The following GABRB2 variants were observed in gnomAD, a reference collection of about 807,000 sequenced individuals.
GABRB2 encodes the protein gamma-aminobutyric acid type A receptor subunit beta2.
In GABRB2, 16 loss-of-function variants were observed where a neutral mutation model predicts 54.7. That is an observed-to-expected ratio of 0.29 (90% CI 0.20 to 0.44). The LOEUF (loss-of-function observed/expected upper bound fraction) is 0.44. GABRB2 is among the 20% of genes least tolerant of loss of function. The pLI, the probability that GABRB2 is intolerant of heterozygous loss-of-function variation, is 1.00. For synonymous variants in GABRB2, 244 were observed against 233.8 expected (o/e 1.04, Z -0.40); for missense variants, 355 against 644.0 (o/e 0.55, Z 4.86).
intron 3 of GABRB2, among the ~76,000 whole-genome samples, chr5:161,538,217 T>C (rs1760702890): frequency 6.6e-6 from 1 of 152,184 alleles, no homozygotes; most frequent in South Asian, 2.1e-4. Flanking sequence ...ACTCAATACT[T>C]GTGGCATTCG....
chr5:161,445,899 T>C (rs1039132570), intron 4 of GABRB2, among the ~76,000 whole-genome samples: 2 of 152,156 alleles, frequency 1.3e-5, no homozygotes, highest in Non-Finnish European at 2.9e-5. Context: ...TCCTAAGAGA[T>C]GTACCATAGG....
intron 3 of GABRB2, among the ~76,000 whole-genome samples, chr5:161,482,860 A>G (rs1270750080): frequency 1.3e-5 from 2 of 152,072 alleles, no homozygotes; most frequent in Non-Finnish European, 2.9e-5. Context: ...TTGATTTCAG[A>G]GTCATTAGAC....
rs550291130 is a variant in GABRB2, at chr5:161,449,444, A to T, written c.458+10180T>A. Among the ~76,000 whole-genome samples the T allele has an allele frequency of 3.9e-4, 59 of 152,302 alleles. No individual in the cohort carries two copies. The South Asian group carries it at 5.6e-3, about 14-fold the overall frequency. ...AAACTCTGCTTTAAGTGAACTCATT[A>T]TACTAGTCTAACTCTGTATGTTTCC... On this transcript the variant is annotated intron_variant, in intron 4 of 9. Coordinates refer to ENST00000393959, the MANE Select transcript of GABRB2 (RefSeq NM_001371727.1).
chr5:161,491,275 G>A (rs1759086161), intron 3 of GABRB2, among the ~76,000 whole-genome samples: 1 of 151,588 alleles, frequency 6.6e-6, no homozygotes, highest in Non-Finnish European at 1.5e-5. Context: ...AACTGAATGA[G>A]GAGTTGGAAT....
intron 9 of GABRB2, among the ~76,000 whole-genome samples, chr5:161,296,084 T>A (rs1486709846): frequency 6.6e-6 from 1 of 152,190 alleles, no homozygotes; most frequent in African/African-American, 2.4e-5. Context: ...CCAGAGGTTA[T>A]AGGTGAAGGC....
chr5:161,359,948 G>A (rs1247101676), intron 5 of GABRB2, among the ~76,000 whole-genome samples: 1 of 152,092 alleles, frequency 6.6e-6, no homozygotes, highest in Admixed American at 6.6e-5. Flanking sequence ...GGGCATGGTG[G>A]CAGGTGCCTG....
chr5:161,494,038 T>A (rs749368584), intron 3 of GABRB2, among the ~76,000 whole-genome samples: 2 of 151,486 alleles, frequency 1.3e-5, no homozygotes, highest in Non-Finnish European at 3.0e-5. Context: ...TTTTTGTCAA[T>A]TAAAAACCAA....
chr5:161,333,296 A>G (rs1322651926), intron 7 of GABRB2, among the ~76,000 whole-genome samples: 3 of 152,206 alleles, frequency 2.0e-5, no homozygotes, highest in Non-Finnish European at 4.4e-5. Flanking sequence ...AAAACTAGAT[A>G]TGGACCTTTC....
intron 3 of GABRB2, among the ~76,000 whole-genome samples, chr5:161,516,326 A>G (rs1759946823): frequency 6.6e-6 from 1 of 152,164 alleles, no homozygotes. Context: ...TAATGCTCAT[A>G]ACAACCCCAA....
intron 5 of GABRB2, among the ~76,000 whole-genome samples, chr5:161,390,418 C>T (rs960306518): frequency 6.6e-6 from 1 of 151,898 alleles, no homozygotes; most frequent in African/African-American, 2.4e-5. Flanking sequence ...AATTCACATG[C>T]CAGAGGATAC....
chr5:161,545,455 A>G (rs916297230), intron 2 of GABRB2, among the ~76,000 whole-genome samples, 161 bp from the exon 3 acceptor site: 4 of 143,412 alleles, frequency 2.8e-5, no homozygotes, highest in African/African-American at 1.0e-4. Context: ...AAAAAAAAAA[A>G]GGTAGCAGGC....
intron 5 of GABRB2, among the ~76,000 whole-genome samples, chr5:161,410,134 A>G (rs905504511): frequency 1.3e-5 from 2 of 152,172 alleles, no homozygotes; most frequent in Non-Finnish European, 2.9e-5. Context: ...TAAAATTGTC[A>G]ACTTCCAGTT....
At chr5:161,393,461 G>A (rs886659235) in intron 5 of GABRB2, among the ~76,000 whole-genome samples, 10 of 151,632 alleles carry the variant, frequency 6.6e-5, no homozygotes, top group South Asian at 4.2e-4. Flanking sequence ...TAAAAAGCAG[G>A]AGGAACCGTC....
At chr5:161,526,976 C>A (rs1471072376) in intron 3 of GABRB2, among the ~76,000 whole-genome samples, 4 of 151,346 alleles carry the variant, frequency 2.6e-5, no homozygotes, top group African/African-American at 7.2e-5. Context: ...AAAGCAATTA[C>A]AACAAAAATA....
intron 4 of GABRB2, among the ~76,000 whole-genome samples, chr5:161,420,623 C>A (rs1756821525): frequency 6.6e-6 from 1 of 152,202 alleles, no homozygotes; most frequent in South Asian, 2.1e-4. Flanking sequence ...GCCAGGTTCC[C>A]TTGTCTGTCC....
chr5:161,423,501 T>C (rs561856849), intron 4 of GABRB2, among the ~76,000 whole-genome samples: 8 of 152,172 alleles, frequency 5.3e-5, no homozygotes, highest in Non-Finnish European at 1.0e-4. Context: ...ATTTTTATTA[T>C]GTCTGTCACA....
intron 9 of GABRB2, among the ~76,000 whole-genome samples, chr5:161,318,832 T>C (rs756890199): frequency 5.3e-5 from 8 of 152,036 alleles, no homozygotes; most frequent in Non-Finnish European, 1.0e-4. Flanking sequence ...TTATAAATTT[T>C]ACCTTTAAAA....
At chr5:161,319,230 T>A (rs919631855) in intron 9 of GABRB2, among the ~76,000 whole-genome samples, 1 of 150,960 alleles carries the variant, frequency 6.6e-6, no homozygotes, top group East Asian at 1.9e-4. Context: ...TCAGAGTTTT[T>A]CATAAGACAG....
intron 3 of GABRB2, among the ~76,000 whole-genome samples, chr5:161,511,383 A>G (rs1258352114): frequency 6.6e-6 from 1 of 152,060 alleles, no homozygotes; most frequent in Non-Finnish European, 1.5e-5. Flanking sequence ...AAACTTGGGT[A>G]ATCACTGTTC....
Sources: gnomAD v4.1 joint callset for allele counts (sites outside exome capture counted in the v4.1 genomes callset) on GRCh38, gnomAD v4.1.1 for gene constraint, MANE v1.5 for transcripts, NCBI Gene and HGNC (gene_info 2026-07-23, HGNC 2026-07-21) for gene names.